PRH1: variants seen among roughly 807,000 people sequenced by gnomAD.
PRH1 encodes the protein salivary acidic proline-rich phosphoprotein 1/2.
In PRH1, 7 loss-of-function variants were observed where a neutral mutation model predicts 7.9. That is an observed-to-expected ratio of 0.89 (90% CI 0.50 to 1.67). The LOEUF is 1.67. Ranked by LOEUF, PRH1 falls within the 40% of genes most tolerant of loss-of-function variation. The probability of loss-of-function intolerance (pLI) is 0.00; values close to 1 mark genes in which losing one functional copy is unlikely to be tolerated. For synonymous variants in PRH1, 45 were observed against 80.8 expected (o/e 0.56, Z 2.38); for missense variants, 109 against 223.6 (o/e 0.49, Z 3.27).
At chr12:11,074,258 AGATT>A (rs1304143047) in intron 1 of PRH1, among the ~76,000 whole-genome samples, 55,721 of 126,308 alleles carry the variant, frequency 0.44, 12,589 homozygotes, top group Non-Finnish European at 0.52. Flanking sequence ...ACTTATTTGG[AGATT>A]AGTTTTGGGG....
intron 2 of PRH1, among the ~76,000 whole-genome samples, chr12:10,957,361 G>A (rs1938019807): frequency 6.6e-6 from 1 of 152,126 alleles, no homozygotes; most frequent in South Asian, 2.1e-4. Context: ...GGATAGCCAT[G>A]TGCAGAAGAT....
At chr12:11,037,298 C>G (rs1223301548) in intron 1 of PRH1, among the ~76,000 whole-genome samples, 2 of 152,192 alleles carry the variant, frequency 1.3e-5, no homozygotes, top group African/African-American at 4.8e-5. Context: ...GATCATTTTA[C>G]TATAGCAGTC....
At chr12:10,918,075 A>G (rs984708635) in intron 2 of PRH1, among the ~76,000 whole-genome samples, 3 of 152,322 alleles carry the variant, frequency 2.0e-5, no homozygotes, top group Middle Eastern at 3.4e-3. Context: ...TTGCAGGGAC[A>G]TGGATGAAGC....
chr12:10,999,186 T>C (rs1025173452), intron 1 of PRH1, among the ~76,000 whole-genome samples: 4 of 152,140 alleles, frequency 2.6e-5, no homozygotes, highest in Non-Finnish European at 4.4e-5. Flanking sequence ...AGCTAAGTGA[T>C]ATAGGTACTC....
intron 1 of PRH1, among the ~76,000 whole-genome samples, chr12:11,104,181 TAAAAAAAAA>T (rs760838136): frequency 6.0e-5 from 3 of 49,592 alleles, no homozygotes; most frequent in Admixed American, 4.5e-4. Context: ...AATGAAAGAG[TAAAAAAAAA>T]AAAAAAAAAA....
At chr12:11,119,643 A>G (rs903551899), downstream of PRH1, among the ~76,000 whole-genome samples, 8 of 152,350 alleles carry the variant, frequency 5.3e-5, no homozygotes, top group African/African-American at 1.9e-4. Context: ...TGCCCACATA[A>G]TGTTAAAATA....
chr12:11,102,826 A>G (rs1376866081), intron 1 of PRH1, among the ~76,000 whole-genome samples: 1 of 152,230 alleles, frequency 6.6e-6, no homozygotes, highest in Non-Finnish European at 1.5e-5. Flanking sequence ...TCTACAAAGA[A>G]CTTAAACAAA....
Position 10,939,029 on chromosome 12 carries a change from C to CA in PRH1, c.-59+34625dup, listed in dbSNP as rs766385069. The CA allele has an allele frequency of 1.7e-5, 27 of 1,613,568 alleles. No individual in the cohort carries two copies. The East Asian group carries it at 5.6e-4, about 33-fold the overall frequency. On this transcript the variant is annotated intron_variant, in intron 2 of 3. Transcript: ENST00000539853. ...CACACACCAGCTTCCGAATATTAAC[C>CA]AAACCAGGCTAATTCGAGAGATTGC...
chr12:11,153,088 A>C, intron 1 of PRH1, among the ~76,000 whole-genome samples: 1 of 152,220 alleles, frequency 6.6e-6, no homozygotes, highest in East Asian at 1.9e-4. Flanking sequence ...ATAGATGATC[A>C]CTTACAAAAT....
chr12:10,939,551 GTTTT>G (rs60186756), intron 2 of PRH1, among the ~76,000 whole-genome samples: 3 of 123,312 alleles, frequency 2.4e-5, no homozygotes, highest in Non-Finnish European at 3.4e-5. Context: ...TGGTTTGTGT[GTTTT>G]TTTTTTTTTT....
intron 1 of PRH1, among the ~76,000 whole-genome samples, chr12:11,144,559 C>T (rs1946808142): frequency 6.6e-6 from 1 of 152,218 alleles, no homozygotes; most frequent in South Asian, 2.1e-4. Context: ...TCTTCCCCAG[C>T]CTGTGACGTC....
chr12:11,130,138 G>A (rs1220857293), intron 1 of PRH1, among the ~76,000 whole-genome samples: 1 of 152,098 alleles, frequency 6.6e-6, no homozygotes, highest in Non-Finnish European at 1.5e-5. Flanking sequence ...GGGACAGAAA[G>A]AGACCGTGTC....
chr12:11,144,578 C>T (rs959818277), intron 1 of PRH1, among the ~76,000 whole-genome samples: 6 of 152,182 alleles, frequency 3.9e-5, no homozygotes, highest in South Asian at 2.1e-4. Flanking sequence ...TCTGCATGCC[C>T]GATTCACATC....
At chr12:11,107,272 C>G (rs2599405) in intron 1 of PRH1, among the ~76,000 whole-genome samples, 69,232 of 152,036 alleles carry the variant, frequency 0.46, 16,578 homozygotes, top group Non-Finnish European at 0.53. Flanking sequence ...AAAGTGCTTG[C>G]ATACAGGTGT....
chr12:11,031,053 T>G, intron 1 of PRH1: 1 of 1,614,308 alleles, frequency 6.2e-7, no homozygotes, highest in South Asian at 1.1e-5. Context: ...AGCCAGTTGC[T>G]GAAATGGCCG....
chr12:11,092,775 G>A lies in PRH1; in HGVS notation n.124-45587C>T, dbSNP rs76415639. Among the ~76,000 whole-genome samples the A allele has an allele frequency of 1.7e-5, 2 of 115,180 alleles. 1 individual carries two copies. Among genetic ancestry groups the A allele is most frequent in the South Asian group, 4.7e-4 (2 of 4,232 alleles). The allele number at this position is 115,180 out of a possible 152,430, so 75.6% of individuals were successfully genotyped here. Reference sequence around the variant, plus strand: ...TCATCTCTCAATCTAATAAAACTGGGTGTGATTGCTTGAATATCCTGACCT... The same window carrying A: ...TCATCTCTCAATCTAATAAAACTGGATGTGATTGCTTGAATATCCTGACCT... On this transcript the variant is annotated intron_variant and non_coding_transcript_variant, in intron 1 of 4. Coordinates refer to the PRH1 transcript ENST00000541977.
intron 1 of PRH1, chr12:11,133,467 C>A (rs1348970427): frequency 6.2e-7 from 1 of 1,614,070 alleles, no homozygotes; most frequent in Non-Finnish European, 8.5e-7. Context: ...AACATGAAGA[C>A]AGGTTGCTTT....
At chr12:11,091,131 T>TATATATATATATATAC (rs1944874251) in intron 1 of PRH1, among the ~76,000 whole-genome samples, 1 of 75,442 alleles carries the variant, frequency 1.3e-5, no homozygotes, top group African/African-American at 4.1e-5. Flanking sequence ...TATATATATA[T>TATATATATATATATAC]ATATATATAT....
intron 2 of PRH1, among the ~76,000 whole-genome samples, chr12:10,927,227 G>A (rs772157120): frequency 1.1e-4 from 16 of 152,112 alleles, no homozygotes; most frequent in Non-Finnish European, 1.8e-4. Flanking sequence ...AGCTTTCTCC[G>A]TTACCCACAT....
Sources: gnomAD v4.1 joint callset for allele counts (sites outside exome capture counted in the v4.1 genomes callset) on GRCh38, gnomAD v4.1.1 for gene constraint, MANE v1.5 for transcripts, NCBI Gene and HGNC (gene_info 2026-07-23, HGNC 2026-07-21) for gene names.